Variants in CACNA1C observed in about 807,000 individuals in gnomAD.
The protein encoded by CACNA1C is voltage-dependent L-type calcium channel subunit alpha-1C.
A neutral mutation model predicts 229.0 loss-of-function variants in CACNA1C; 30 were observed. The ratio of observed to expected loss-of-function variants is 0.13; its 90% confidence interval spans 0.10 to 0.18. The LOEUF (loss-of-function observed/expected upper bound fraction) is 0.18. Among genes scored for constraint, CACNA1C ranks in the 10% least tolerant of loss-of-function variants. The pLI, the probability that CACNA1C is intolerant of heterozygous loss-of-function variation, is 1.00. For missense variants in CACNA1C, 1,658 were observed against 2,845.0 expected, an observed-to-expected ratio of 0.58 and a Z score of 9.49; for synonymous variants, 1,114 against 1,132.5, an observed-to-expected ratio of 0.98 and a Z score of 0.33.
chr12:2,327,396 A>T (rs1478144166), intron 3 of CACNA1C, among the ~76,000 whole-genome samples: 1 of 152,250 alleles, frequency 6.6e-6, no homozygotes, highest in East Asian at 1.9e-4. Flanking sequence ...GTGGTTGATT[A>T]GGTTGCCTAT....
chr12:2,260,770 G>A (rs1355525060), intron 3 of CACNA1C, among the ~76,000 whole-genome samples: 1 of 152,176 alleles, frequency 6.6e-6, no homozygotes, highest in African/African-American at 2.4e-5. Context: ...TATATACCTT[G>A]CAGGGCTATT....
intron 1 of CACNA1C, among the ~76,000 whole-genome samples, chr12:2,056,385 G>A (rs1314241042): frequency 2.0e-5 from 3 of 152,148 alleles, no homozygotes; most frequent in African/African-American, 7.2e-5. Flanking sequence ...CTGGGCCTGT[G>A]CCAGCCTCCC....
chr12:1,994,966 C>G (rs1403893776), intron 1 of CACNA1C, among the ~76,000 whole-genome samples: 1 of 142,448 alleles, frequency 7.0e-6, no homozygotes, highest in Non-Finnish European at 1.5e-5. Context: ...TGAAGAAAGC[C>G]TTCAACATTC....
At chr12:2,097,873 C>A (rs2074893918) in intron 1 of CACNA1C, among the ~76,000 whole-genome samples, 1 of 152,176 alleles carries the variant, frequency 6.6e-6, no homozygotes, top group Non-Finnish European at 1.5e-5. Context: ...GATCCAGGCA[C>A]CAGACAACTG....
intron 5 of CACNA1C, among the ~76,000 whole-genome samples, chr12:2,476,513 G>A (rs1052525066): frequency 4.6e-5 from 7 of 152,156 alleles, no homozygotes; most frequent in Non-Finnish European, 8.8e-5. Context: ...CCGAGTCCTC[G>A]GGAAATGGTA....
chr12:1,990,116 C>T (rs2038977313), intron 1 of CACNA1C, among the ~76,000 whole-genome samples: 1 of 152,162 alleles, frequency 6.6e-6, no homozygotes, highest in South Asian at 2.1e-4. Context: ...GTGGTGTTTC[C>T]ATCTCAAAAT....
At chr12:2,412,566 C>T (rs1263916187) in intron 3 of CACNA1C, among the ~76,000 whole-genome samples, 2 of 152,200 alleles carry the variant, frequency 1.3e-5, no homozygotes, top group South Asian at 2.1e-4. Flanking sequence ...CATTGAGCTG[C>T]GAGTGAGTAA....
chr12:2,668,405 C>A (rs1206909427), intron 37 of CACNA1C: 1 of 153,276 alleles, frequency 6.5e-6, no homozygotes, highest in Non-Finnish European at 1.5e-5. Context: ...TCCCTGCCCA[C>A]TCCAGCAACA....
At chr12:2,359,285 A>G (rs1771966690) in intron 3 of CACNA1C, among the ~76,000 whole-genome samples, 2 of 152,286 alleles carry the variant, frequency 1.3e-5, no homozygotes, top group South Asian at 4.2e-4. Context: ...ATGGAGGGAA[A>G]GCTAAGCCGT....
chr12:2,322,346 G>A (rs1411788675), intron 3 of CACNA1C, among the ~76,000 whole-genome samples: 10 of 152,176 alleles, frequency 6.6e-5, no homozygotes, highest in Non-Finnish European at 1.2e-4. Flanking sequence ...TGGACTAAGG[G>A]CTGGGAGGGC....
At chr12:2,280,316 C>T (rs570134480) in intron 3 of CACNA1C, among the ~76,000 whole-genome samples, 2 of 77,356 alleles carry the variant, frequency 2.6e-5, no homozygotes, top group Non-Finnish European at 4.7e-5. Context: ...TGCTGTGCTT[C>T]GGTTTGACCT....
At chr12:2,091,312 A>G (rs2070820823) in intron 1 of CACNA1C, among the ~76,000 whole-genome samples, 1 of 152,202 alleles carries the variant, frequency 6.6e-6, no homozygotes, top group Admixed American at 6.5e-5. Context: ...GAGGCTGGGT[A>G]TGTTCATTTC....
intron 32 of CACNA1C, among the ~76,000 whole-genome samples, chr12:2,652,895 C>G (rs1018039707): frequency 3.3e-5 from 5 of 151,672 alleles, no homozygotes; most frequent in Non-Finnish European, 7.4e-5. Context: ...CTCTCCCTGC[C>G]CCCCCGACAT....
At chr12:2,342,680 T>C (rs2096898838) in intron 3 of CACNA1C, among the ~76,000 whole-genome samples, 1 of 152,234 alleles carries the variant, frequency 6.6e-6, no homozygotes, top group Non-Finnish European at 1.5e-5. Context: ...TGAATTTACT[T>C]TCATCTTTTC....
chr12:2,386,663 C>A (rs936574666), intron 3 of CACNA1C, among the ~76,000 whole-genome samples: 1 of 152,190 alleles, frequency 6.6e-6, no homozygotes, highest in Non-Finnish European at 1.5e-5. Context: ...ACCTGTATGT[C>A]TTCTCATTAA....
At chr12:2,545,337 T>G (rs570428099) in intron 9 of CACNA1C, among the ~76,000 whole-genome samples, 1 of 152,144 alleles carries the variant, frequency 6.6e-6, no homozygotes, top group South Asian at 2.1e-4. Context: ...GCAAATTCTC[T>G]TGTAGTTGTA....
At chr12:2,522,909 C>T (rs1383744227) in intron 9 of CACNA1C, among the ~76,000 whole-genome samples, 1 of 152,038 alleles carries the variant, frequency 6.6e-6, no homozygotes, top group Non-Finnish European at 1.5e-5. Context: ...TCACATTGTT[C>T]AGCTTGTAAG....
At chr12:2,276,917 G>T (rs2088469180) in intron 3 of CACNA1C, among the ~76,000 whole-genome samples, 1 of 152,026 alleles carries the variant, frequency 6.6e-6, no homozygotes. Context: ...GACCAGAGAA[G>T]GTCTCAGACA....
intron 9 of CACNA1C, among the ~76,000 whole-genome samples, chr12:2,547,968 T>C (rs1357425904): frequency 2.0e-5 from 3 of 152,152 alleles, no homozygotes; most frequent in Non-Finnish European, 4.4e-5. Flanking sequence ...CACATAAGGC[T>C]CTGGGAACGA....
Sources: gnomAD v4.1 joint callset for allele counts (sites outside exome capture counted in the v4.1 genomes callset) on GRCh38, gnomAD v4.1.1 for gene constraint, MANE v1.5 for transcripts, NCBI Gene and HGNC (gene_info 2026-07-23, HGNC 2026-07-21) for gene names.